Variants in DMD observed in about 807,000 individuals in gnomAD.
The protein encoded by DMD is dystrophin.
Under a neutral mutation model 330.1 loss-of-function variants are expected in DMD, and 63 were observed. That is an observed-to-expected ratio of 0.19 (90% CI 0.16 to 0.24). The LOEUF (loss-of-function observed/expected upper bound fraction) is 0.24, where lower values mean the gene tolerates loss of function less well. Ranked by LOEUF, DMD falls within the 10% of genes least tolerant of loss-of-function variation. The pLI is 1.00. For missense variants in DMD, 3,344 were observed against 2,684.1 expected, an observed-to-expected ratio of 1.25 and a Z score of -5.43; for synonymous variants, 1,223 against 959.8, an observed-to-expected ratio of 1.27 and a Z score of -5.07.
chrX:33,190,902 TAATATATA>T (rs2050536228), intron 1 of DMD, among the ~76,000 whole-genome samples: 1 of 819 alleles, frequency 1.2e-3, no homozygotes, highest in Non-Finnish European at 3.0e-3. Context: ...ATATATTATA[TAATATATA>T]ATATTATATA....
At chrX:32,408,795 TAG>T (rs1195200680) in intron 30 of DMD, among the ~76,000 whole-genome samples, 1 of 111,891 alleles carries the variant, frequency 8.9e-6, no homozygotes, top group Admixed American at 9.5e-5. Flanking sequence ...TGCAAATTTA[TAG>T]AAACACATTT....
chrX:31,477,658 G>C (rs1239077329), intron 59 of DMD, among the ~76,000 whole-genome samples: 4 of 110,465 alleles, frequency 3.6e-5, no homozygotes, highest in Non-Finnish European at 3.8e-5. Flanking sequence ...CACATTAACA[G>C]CCTTATTTCA....
chrX:32,342,438 C>T (rs758095313), intron 40 of DMD, among the ~76,000 whole-genome samples, 156 bp from the exon 41 acceptor site: 2 of 112,201 alleles, frequency 1.8e-5, no homozygotes, highest in South Asian at 3.7e-4. Context: ...CTGTCATCCT[C>T]GCTCAATAAC....
At chrX:32,568,336 C>T (rs1218449901) in intron 15 of DMD, among the ~76,000 whole-genome samples, 2 of 110,282 alleles carry the variant, frequency 1.8e-5, no homozygotes, top group Non-Finnish European at 3.8e-5. Context: ...AGTGAAACCT[C>T]GTCTGTACTA....
At chrX:31,522,363 C>CTCTCTCTCTCTCTATATATATATA in intron 55 of DMD, among the ~76,000 whole-genome samples, 6 of 35,962 alleles carry the variant, frequency 1.7e-4, no homozygotes, top group African/African-American at 3.8e-4. Flanking sequence ...CTCTCTCTCT[C>CTCTCTCTCTCTCTATATATATATA]TATATATATA....
chrX:31,475,057 C>T (rs895800735), intron 59 of DMD, among the ~76,000 whole-genome samples: 2 of 111,200 alleles, frequency 1.8e-5, no homozygotes, highest in Non-Finnish European at 3.8e-5. Flanking sequence ...GTTTGAAACA[C>T]GCATAAAATA....
chrX:32,952,973 A>G (rs2091338987), intron 2 of DMD, among the ~76,000 whole-genome samples: 1 of 109,363 alleles, frequency 9.1e-6, no homozygotes, highest in African/African-American at 3.3e-5. Context: ...CGTCTCTACT[A>G]AAAATACAAA....
At chrX:31,241,258 A>C (rs750654795) in intron 63 of DMD, among the ~76,000 whole-genome samples, 80 of 111,720 alleles carry the variant, frequency 7.2e-4, no homozygotes, top group African/African-American at 2.5e-3. Context: ...TGAGGGGCTA[A>C]ATCGCTGGTT....
At chrX:32,944,541 A>G (rs886730317) in intron 2 of DMD, among the ~76,000 whole-genome samples, 8 of 110,273 alleles carry the variant, frequency 7.3e-5, no homozygotes, top group African/African-American at 2.6e-4. Flanking sequence ...TTTATTATAT[A>G]CACTTGAGCA....
chrX:32,998,413 T>G (rs1382830049), intron 2 of DMD, among the ~76,000 whole-genome samples: 1 of 105,199 alleles, frequency 9.5e-6, no homozygotes, highest in Non-Finnish European at 2.0e-5. Context: ...GAGGTAAAAT[T>G]ATGTTTTCTT....
rs1048351301 is a variant in DMD at position 33,100,086 on chromosome X, C to T, written c.32-79886G>A. Among the ~76,000 whole-genome samples the T allele has an allele frequency of 2.7e-5, 3 of 111,815 alleles. No individual in the cohort carries two copies. In the Admixed American group the frequency reaches 2.9e-4, roughly 11 times the overall value. On this transcript the variant is annotated intron_variant, in intron 1 of 78. Coordinates refer to ENST00000357033, the MANE Select transcript of DMD (RefSeq NM_004006.3). ...GTAGAAACCATTAAGGCATTGTTGA[C>T]TCAAGGACACTGGAAGAGATGCTGG...
chrX:31,526,448 C>T (rs2073243603), intron 55 of DMD, among the ~76,000 whole-genome samples: 1 of 111,652 alleles, frequency 9.0e-6, no homozygotes, highest in South Asian at 3.8e-4. Context: ...TCCATGGACA[C>T]AATAGTCATA....
chrX:32,556,504 T>G (rs1045696286), intron 16 of DMD, among the ~76,000 whole-genome samples: 4 of 111,500 alleles, frequency 3.6e-5, no homozygotes, highest in African/African-American at 1.3e-4. Context: ...TAAAGATACA[T>G]GCATGTGTAT....
intron 74 of DMD, 143 bp downstream of exon 74, chrX:31,169,300 A>G (rs2039751379): frequency 6.5e-6 from 3 of 460,392 alleles, no homozygotes; most frequent in Non-Finnish European, 1.1e-5. Flanking sequence ...AAAGAGAGAG[A>G]GAATCTGCAA....
At chrX:32,679,004 A>T (rs1353137135) in intron 9 of DMD, among the ~76,000 whole-genome samples, 4 of 112,310 alleles carry the variant, frequency 3.6e-5, no homozygotes, top group Non-Finnish European at 5.6e-5. Flanking sequence ...TGATAAACCT[A>T]ACACACTAAA....
intron 24 of DMD, among the ~76,000 whole-genome samples, chrX:32,464,096 T>G (rs2098392913): frequency 8.9e-6 from 1 of 112,043 alleles, no homozygotes; most frequent in Non-Finnish European, 1.9e-5. Context: ...AAATGCATAC[T>G]GTGTTATATT....
chrX:31,701,201 T>A (rs1365259435), intron 52 of DMD, among the ~76,000 whole-genome samples: 1 of 111,578 alleles, frequency 9.0e-6, no homozygotes, highest in South Asian at 3.7e-4. Context: ...TTTTTCTCCC[T>A]TAGCACACAC....
At chrX:32,859,375 G>A (rs1329165040) in intron 2 of DMD, among the ~76,000 whole-genome samples, 1 of 108,257 alleles carries the variant, frequency 9.2e-6, no homozygotes, top group African/African-American at 3.4e-5. Flanking sequence ...GGCTGAGGCA[G>A]GAGAATCGCT....
At chrX:32,445,898 T>C (rs2098301960) in intron 27 of DMD, among the ~76,000 whole-genome samples, 1 of 111,275 alleles carries the variant, frequency 9.0e-6, no homozygotes, top group African/African-American at 3.2e-5. Flanking sequence ...GATAAATATA[T>C]ATACAGACAA....
Sources: gnomAD v4.1 joint callset for allele counts (sites outside exome capture counted in the v4.1 genomes callset) on GRCh38, gnomAD v4.1.1 for gene constraint, MANE v1.5 for transcripts, NCBI Gene and HGNC (gene_info 2026-07-23, HGNC 2026-07-21) for gene names.